Variants in EYS observed in about 807,000 individuals in gnomAD.
EYS encodes EGF-like photoreceptor maintenance factor.
Under a neutral mutation model 282.1 loss-of-function variants are expected in EYS, and 250 were observed. The ratio of observed to expected loss-of-function variants is 0.89; its 90% confidence interval spans 0.80 to 0.98. The LOEUF is 0.98. Among genes scored for constraint, EYS ranks in the 50% least tolerant of loss-of-function variants. EYS has a pLI of 0.00. For synonymous variants in EYS, 1,355 were observed against 1,282.9 expected (o/e 1.06, Z -1.20); for missense variants, 4,016 against 3,709.0 (o/e 1.08, Z -2.15).
chr6:64,239,471 T>C (rs970892926), intron 30 of EYS, among the ~76,000 whole-genome samples: 1 of 152,224 alleles, frequency 6.6e-6, no homozygotes, highest in Non-Finnish European at 1.5e-5. Flanking sequence ...TGGTATCTCA[T>C]TGTGGTTTGA....
chr6:65,065,317 A>T (rs976364503), intron 12 of EYS, among the ~76,000 whole-genome samples: 5 of 151,880 alleles, frequency 3.3e-5, no homozygotes, highest in Admixed American at 2.0e-4. Flanking sequence ...GGCCAACTAA[A>T]TTTTTTTCAG....
chr6:64,626,838 A>T (rs1194208336), intron 22 of EYS, among the ~76,000 whole-genome samples: 2 of 152,212 alleles, frequency 1.3e-5, no homozygotes, highest in Admixed American at 6.5e-5. Flanking sequence ...AGATTATGTT[A>T]TTGCATGTAT....
chr6:64,406,459 A>G (rs953138384), intron 28 of EYS, among the ~76,000 whole-genome samples: 3 of 152,208 alleles, frequency 2.0e-5, no homozygotes, highest in African/African-American at 7.2e-5. Flanking sequence ...AAAATTGACA[A>G]ATGGGATCTA....
Position 64,892,801 on chromosome 6 carries a change from G to A in EYS, c.2847-5959C>T, listed in dbSNP as rs573210036. On this transcript the variant is annotated intron_variant, in intron 18 of 42. Coordinates refer to ENST00000503581, the MANE Select transcript of EYS (RefSeq NM_001142800.2). ...TTCTCTAGTAGAATAAACATCATTC[G>A]GATTGATGACTGTTTCTAGGCAAAC... Among the ~76,000 whole-genome samples the A allele has an allele frequency of 5.9e-5, 9 of 152,050 alleles. No homozygotes were observed. In the South Asian group the frequency reaches 6.2e-4, roughly 11 times the overall value.
At chr6:64,900,686 A>C (rs1383761778) in intron 18 of EYS, among the ~76,000 whole-genome samples, 1 of 152,228 alleles carries the variant, frequency 6.6e-6, no homozygotes, top group South Asian at 2.1e-4. Flanking sequence ...ATGAGATGCC[A>C]TCTCATGCCA....
intron 19 of EYS, among the ~76,000 whole-genome samples, chr6:64,881,649 T>C (rs4710504): frequency 0.15 from 23,525 of 151,774 alleles, 2,149 homozygotes; most frequent in East Asian, 0.49. Context: ...AGGCTTGGGA[T>C]GTAAGAGGCA....
At chr6:64,632,161 AT>A (rs1483953842) in intron 22 of EYS, among the ~76,000 whole-genome samples, 2 of 152,070 alleles carry the variant, frequency 1.3e-5, no homozygotes, top group African/African-American at 4.8e-5. Flanking sequence ...TGAAGCCAAG[AT>A]TTCTCAAGTT....
chr6:64,381,164 T>TTTCTTTATACTAACG (rs1214534497), intron 29 of EYS, among the ~76,000 whole-genome samples: 1 of 152,174 alleles, frequency 6.6e-6, no homozygotes, highest in Non-Finnish European at 1.5e-5. Context: ...TTTTACTAAC[T>TTTCTTTATACTAACG]TTCTTTATAC....
intron 31 of EYS, among the ~76,000 whole-genome samples, chr6:64,169,282 C>A (rs1280914055): frequency 6.6e-6 from 1 of 151,868 alleles, no homozygotes; most frequent in Non-Finnish European, 1.5e-5. Flanking sequence ...ATCGGGCATG[C>A]AGATACTGAT....
chr6:65,519,709 T>TATATATATATATATATATATATATATATA (rs1554205853), intron 2 of EYS, among the ~76,000 whole-genome samples: 3 of 33,968 alleles, frequency 8.8e-5, no homozygotes, highest in Non-Finnish European at 9.3e-5. Context: ...TATATATATA[T>TATATATATATATATATATATATATATATA]TTTTTTTTTT....
chr6:65,001,120 G>GAAAGTGTAGCCCCAAAATTCTCCTTA (rs1771451147), intron 13 of EYS, among the ~76,000 whole-genome samples: 19 of 120,014 alleles, frequency 1.6e-4, no homozygotes, highest in East Asian at 3.3e-4. Context: ...TCTCAGCCTT[G>GAAAGTGTAGCCCCAAAATTCTCCTTA]CTGTCCGCAG....
intron 11 of EYS, among the ~76,000 whole-genome samples, chr6:65,298,066 T>A (rs147037224): frequency 0.012 from 1,753 of 152,166 alleles, 21 homozygotes; most frequent in Admixed American, 0.019. Context: ...TGTAGAAAGT[T>A]CCTTCCTAAA....
At chr6:64,760,225 A>G (rs1773114076) in intron 22 of EYS, among the ~76,000 whole-genome samples, 1 of 152,070 alleles carries the variant, frequency 6.6e-6, no homozygotes, top group South Asian at 2.1e-4. Context: ...TCTCCTTTAC[A>G]GCTTCTGCAT....
chr6:65,701,132 G>A (rs950664301), intron 1 of EYS, among the ~76,000 whole-genome samples: 2 of 152,056 alleles, frequency 1.3e-5, no homozygotes, highest in African/African-American at 4.8e-5. Flanking sequence ...ATACTTGCCT[G>A]TACTTTTTAA....
At chr6:64,455,565 C>A (rs1775532736) in intron 26 of EYS, among the ~76,000 whole-genome samples, 1 of 151,966 alleles carries the variant, frequency 6.6e-6, no homozygotes, top group Non-Finnish European at 1.5e-5. Flanking sequence ...TTAAGCCCTG[C>A]ATGCATTAGG....
chr6:65,501,615 G>T (rs1419837874), intron 2 of EYS, among the ~76,000 whole-genome samples: 1 of 151,480 alleles, frequency 6.6e-6, no homozygotes. Context: ...GAGTATAAAA[G>T]ATTTACCATT....
At chr6:64,631,124 C>G (rs929633709) in intron 22 of EYS, 8 of 152,092 alleles carry the variant, frequency 5.3e-5, no homozygotes, top group Non-Finnish European at 1.2e-4. Flanking sequence ...GCATAAAAGA[C>G]AAGTTGATTT....
chr6:64,812,388 T>C (rs1764624223), intron 22 of EYS, among the ~76,000 whole-genome samples: 1 of 152,012 alleles, frequency 6.6e-6, no homozygotes, highest in Non-Finnish European at 1.5e-5. Context: ...ATGCTAAATG[T>C]AAGTTAATAT....
intron 8 of EYS, among the ~76,000 whole-genome samples, chr6:65,359,439 T>C (rs1394486705): frequency 6.6e-6 from 1 of 152,012 alleles, no homozygotes; most frequent in East Asian, 1.9e-4. Flanking sequence ...AAGAGGATTT[T>C]AAAACAACTT....
Sources: gnomAD v4.1 joint callset for allele counts (sites outside exome capture counted in the v4.1 genomes callset) on GRCh38, gnomAD v4.1.1 for gene constraint, MANE v1.5 for transcripts, NCBI Gene and HGNC (gene_info 2026-07-23, HGNC 2026-07-21) for gene names.